SV2C: variants seen among roughly 807,000 people sequenced by gnomAD.
The protein encoded by SV2C is synaptic vesicle glycoprotein 2C, also known as solute carrier family 22 member B3.
A neutral mutation model predicts 79.7 loss-of-function variants in SV2C; 49 were observed. The ratio of observed to expected loss-of-function variants is 0.61; its 90% CI spans 0.49 to 0.78. The LOEUF (loss-of-function observed/expected upper bound fraction) is 0.78. Among genes scored for constraint, SV2C ranks in the 30% least tolerant of loss-of-function variants. SV2C has a pLI of 0.00. For missense variants in SV2C, 833 were observed against 912.9 expected, an observed-to-expected ratio of 0.91 and a Z score of 1.13; for synonymous variants, 334 against 333.2, an observed-to-expected ratio of 1.00 and a Z score of -0.03.
At chr5:76,270,915 C>T (rs919296714) in intron 4 of SV2C, among the ~76,000 whole-genome samples, 2 of 151,840 alleles carry the variant, frequency 1.3e-5, no homozygotes, top group Admixed American at 6.6e-5. Context: ...ATTACAGGCA[C>T]CAACCACTGC....
At chr5:76,055,854 T>G in the SV2C span, among the ~76,000 whole-genome samples, 2 of 152,210 alleles carry the variant, frequency 1.3e-5, no homozygotes, top group Admixed American at 1.3e-4. Context: ...TTTTGTATCC[T>G]GAGACTTTGC....
At chr5:76,345,274 G>A (rs1434760328) in intron 12 of SV2C, among the ~76,000 whole-genome samples, 5 of 152,158 alleles carry the variant, frequency 3.3e-5, no homozygotes, top group Admixed American at 1.3e-4. Flanking sequence ...CTCTCCAAAC[G>A]GCAAATAAGC....
the SV2C span, among the ~76,000 whole-genome samples, chr5:76,015,855 A>G: frequency 1.3e-5 from 2 of 152,092 alleles, no homozygotes; most frequent in African/African-American, 2.4e-5. Flanking sequence ...TCATAAACAA[A>G]CTATGTATAA....
chr5:75,924,641 T>C, the SV2C span, among the ~76,000 whole-genome samples: 1 of 152,136 alleles, frequency 6.6e-6, no homozygotes, highest in South Asian at 2.1e-4. Context: ...GCCCTTAATA[T>C]ATGACAAAGT....
At chr5:76,215,350 T>C (rs1164063346) in intron 4 of SV2C, among the ~76,000 whole-genome samples, 1 of 152,300 alleles carries the variant, frequency 6.6e-6, no homozygotes, top group East Asian at 1.9e-4. Flanking sequence ...AGGAGAACAG[T>C]GAGCCTGATC....
chr5:76,262,078 C>G (rs1190529458), intron 4 of SV2C, among the ~76,000 whole-genome samples: 1 of 152,054 alleles, frequency 6.6e-6, no homozygotes, highest in East Asian at 1.9e-4. Context: ...TGGTCCTGGG[C>G]TTTTTTTGGT....
intron 2 of SV2C, among the ~76,000 whole-genome samples, chr5:76,177,039 C>T (rs982064497): frequency 6.6e-6 from 1 of 150,550 alleles, no homozygotes; most frequent in African/African-American, 2.4e-5. Flanking sequence ...GGCGTGAACC[C>T]GGGAGGCAGA....
At chr5:76,211,463 CGTGT>C (rs10593541) in intron 4 of SV2C, among the ~76,000 whole-genome samples, 25,976 of 149,284 alleles carry the variant, frequency 0.17, 2,259 homozygotes, top group Non-Finnish European at 0.19. Flanking sequence ...GTTCTGGTTG[CGTGT>C]GTGTGTGTGT....
chr5:75,887,186 C>T, the SV2C span, among the ~76,000 whole-genome samples: 1 of 152,028 alleles, frequency 6.6e-6, no homozygotes. Flanking sequence ...ATATGCATTA[C>T]CTCAGAGATT....
intron 3 of SV2C, among the ~76,000 whole-genome samples, chr5:76,203,425 T>A (rs1744513205): frequency 6.6e-6 from 1 of 152,198 alleles, no homozygotes; most frequent in African/African-American, 2.4e-5. Flanking sequence ...TATCATTAAT[T>A]ATAGAACATC....
At chr5:76,174,911 G>A (rs1743475090) in intron 2 of SV2C, among the ~76,000 whole-genome samples, 1 of 152,220 alleles carries the variant, frequency 6.6e-6, no homozygotes, top group South Asian at 2.1e-4. Flanking sequence ...CTGATACCCT[G>A]TTTACTGCTG....
chr5:75,915,294 C>A, the SV2C span, among the ~76,000 whole-genome samples: 1 of 152,208 alleles, frequency 6.6e-6, no homozygotes, highest in African/African-American at 2.4e-5. Flanking sequence ...TGAAATCATA[C>A]TCCTAATCAT....
At chr5:75,887,940 A>G in the SV2C span, among the ~76,000 whole-genome samples, 1 of 152,172 alleles carries the variant, frequency 6.6e-6, no homozygotes, top group African/African-American at 2.4e-5. Flanking sequence ...AATGGTGTCT[A>G]TTATCTTGAT....
chr5:76,117,242 A>G (rs56390442), intron 1 of SV2C, among the ~76,000 whole-genome samples: 7,073 of 152,276 alleles, frequency 0.046, 542 homozygotes, highest in African/African-American at 0.16. Context: ...ATATGCAAAT[A>G]TAAAATGAAT....
At chr5:75,963,726 T>C in the SV2C span, among the ~76,000 whole-genome samples, 1 of 152,206 alleles carries the variant, frequency 6.6e-6, no homozygotes, top group African/African-American at 2.4e-5. Context: ...GGGAAATGAT[T>C]ATGTATTTTC....
chr5:75,876,626 A>G, the SV2C span, among the ~76,000 whole-genome samples: 2 of 152,110 alleles, frequency 1.3e-5, no homozygotes, highest in Admixed American at 6.6e-5. Context: ...ACAACGGGGT[A>G]TAGTTGGGTT....
the SV2C span, among the ~76,000 whole-genome samples, chr5:76,072,925 T>C: frequency 6.6e-6 from 1 of 152,242 alleles, no homozygotes; most frequent in Non-Finnish European, 1.5e-5. Context: ...TCTATTCATG[T>C]CCTTAGCCCA....
intron 1 of SV2C, among the ~76,000 whole-genome samples, chr5:76,121,118 G>A (rs1748479379): frequency 6.6e-6 from 1 of 151,240 alleles, no homozygotes; most frequent in Non-Finnish European, 1.5e-5. Context: ...CTGATGGCCA[G>A]TGATGATGAG....
At chr5:76,196,238 A>G (rs953825235) in intron 3 of SV2C, among the ~76,000 whole-genome samples, 7 of 152,244 alleles carry the variant, frequency 4.6e-5, no homozygotes, top group Non-Finnish European at 1.0e-4. Context: ...CTTAGCAAAT[A>G]CTTGACTAAG....
Sources: gnomAD v4.1 joint callset for allele counts (sites outside exome capture counted in the v4.1 genomes callset) on GRCh38, gnomAD v4.1.1 for gene constraint, MANE v1.5 for transcripts, NCBI Gene and HGNC (gene_info 2026-07-23, HGNC 2026-07-21) for gene names.